Variants in GNAL observed in about 807,000 individuals in gnomAD.
The protein encoded by GNAL is G protein subunit alpha L, also known as guanine nucleotide-binding protein G(olf) subunit alpha.
A neutral mutation model predicts 55.1 loss-of-function variants in GNAL; 18 were observed. That is an observed-to-expected ratio of 0.33 (90% CI 0.23 to 0.48). GNAL has a LOEUF of 0.48. Ranked by LOEUF, GNAL falls within the 20% of genes least tolerant of loss-of-function variation. The pLI is 0.99. For missense variants in GNAL, 412 were observed against 614.1 expected, an observed-to-expected ratio of 0.67 and a Z score of 3.48; for synonymous variants, 253 against 237.0, an observed-to-expected ratio of 1.07 and a Z score of -0.62.
At chr18:11,732,486 T>A (rs1280923133) in intron 1 of GNAL, among the ~76,000 whole-genome samples, 2 of 152,240 alleles carry the variant, frequency 1.3e-5, no homozygotes, top group African/African-American at 4.8e-5. Context: ...AAATGTCTGT[T>A]CAAATCCTTT....
intron 11 of GNAL, among the ~76,000 whole-genome samples, chr18:11,878,185 T>C (rs934520374): frequency 6.6e-6 from 1 of 152,212 alleles, no homozygotes; most frequent in Non-Finnish European, 1.5e-5. Flanking sequence ...ATGCAGTTGC[T>C]CATGGATGTA....
chr18:11,871,466 G>T (rs2036397016), intron 9 of GNAL, among the ~76,000 whole-genome samples: 1 of 152,076 alleles, frequency 6.6e-6, no homozygotes. Context: ...GGTCAGGCTG[G>T]TCTCGAACTC....
chr18:11,875,209 C>G (rs1020405159), intron 10 of GNAL, among the ~76,000 whole-genome samples: 8 of 152,056 alleles, frequency 5.3e-5, no homozygotes, highest in African/African-American at 1.9e-4. Flanking sequence ...GCCAGTGCTG[C>G]CCCCAGGGAG....
At chr18:11,817,094 G>T (rs1376806612) in intron 4 of GNAL, among the ~76,000 whole-genome samples, 1 of 152,146 alleles carries the variant, frequency 6.6e-6, no homozygotes, top group East Asian at 1.9e-4. Flanking sequence ...ATAAATGGAT[G>T]AATTTATGGC....
At chr18:11,836,411 A>G (rs1303328171) in intron 5 of GNAL, among the ~76,000 whole-genome samples, 1 of 152,010 alleles carries the variant, frequency 6.6e-6, no homozygotes, top group South Asian at 2.1e-4. Flanking sequence ...ACACCATTGC[A>G]CTCCAGCCTG....
At chr18:11,738,664 G>T (rs1027501238) in intron 1 of GNAL, among the ~76,000 whole-genome samples, 1 of 152,088 alleles carries the variant, frequency 6.6e-6, no homozygotes, top group Non-Finnish European at 1.5e-5. Flanking sequence ...GGCCAGGCTG[G>T]TCTCGAACTC....
At chr18:11,794,042 A>G (rs1399872752) in intron 4 of GNAL, among the ~76,000 whole-genome samples, 2 of 152,310 alleles carry the variant, frequency 1.3e-5, no homozygotes, top group South Asian at 2.1e-4. Context: ...CAAAACCACA[A>G]TGGGGTGCCA....
chr18:11,861,334 A>G (rs1598435384), intron 5 of GNAL, among the ~76,000 whole-genome samples: 1 of 151,246 alleles, frequency 6.6e-6, no homozygotes, highest in East Asian at 2.0e-4. Flanking sequence ...CATTTAACCC[A>G]TTCCCAGTGC....
intron 1 of GNAL, among the ~76,000 whole-genome samples, chr18:11,733,780 A>T (rs2143451570): frequency 6.6e-6 from 1 of 151,698 alleles, no homozygotes; most frequent in East Asian, 1.9e-4. Context: ...ACGATTACTT[A>T]CTGGGTACAG....
intron 4 of GNAL, among the ~76,000 whole-genome samples, chr18:11,807,745 G>A (rs1424922684): frequency 6.6e-6 from 1 of 152,192 alleles, no homozygotes; most frequent in Non-Finnish European, 1.5e-5. Flanking sequence ...CGCCAAGGCA[G>A]TGAGCTTACA....
chr18:11,865,229 G>C (rs1019041892), intron 7 of GNAL, among the ~76,000 whole-genome samples: 4 of 79,682 alleles, frequency 5.0e-5, no homozygotes, highest in Non-Finnish European at 1.2e-4. Flanking sequence ...CTCTGCTGAA[G>C]AAGGTTCGGG....
At position 11,689,894 on chromosome 18, in the gene GNAL, G is replaced by T. The variant is rs747544979; in HGVS notation, c.331G>T (p.Asp111Tyr). 6.8e-7 allele frequency: 1 copy of T among 1,480,736 alleles called. No individual in the cohort carries two copies. Among genetic ancestry groups the T allele is most frequent in the South Asian group, 1.3e-5 (1 of 77,488 alleles). 91.7% of individuals were successfully genotyped at this position (1,480,736 alleles called of 1,614,324 possible). A position where few individuals can be genotyped will look rare whatever the true frequency, so the allele number is the denominator to read the frequency against. Residue 111 changes from aspartate to tyrosine, a missense_variant, in exon 1 of 12, where the codon GAC becomes TAC. Physicochemically the swap from Asp to Tyr is radical, Grantham distance 160. Transcript: ENST00000334049. ...VSRGIDRMLR[D>Y]QKRDLQQTHR... ...CCGGGGCATCGACCGCATGCTGCGCGACCAGAAGCGCGACCTGCAGCAGAC... is the reference window on the plus strand; with the variant it reads ...CCGGGGCATCGACCGCATGCTGCGCTACCAGAAGCGCGACCTGCAGCAGAC...
chr18:11,790,658 T>C (rs1416854384), intron 4 of GNAL, among the ~76,000 whole-genome samples: 12 of 59,632 alleles, frequency 2.0e-4, no homozygotes, highest in Non-Finnish European at 2.7e-4. Flanking sequence ...TTTCTTTTTT[T>C]TTCTTTTTTT....
In GNAL at chr18:11,774,717, C is replaced by G. The variant is rs372779288; in HGVS notation, c.624+20772C>G. ...GCAGCCTGACCCCAGAGCCTGTCCC[C>G]CTGTGTACTGTGAGGTGACCTTTCT... On this transcript the variant is annotated intron_variant, in intron 4 of 11. Coordinates refer to ENST00000334049, the MANE Select transcript of GNAL (RefSeq NM_182978.4). Among the ~76,000 whole-genome samples the G allele has an allele frequency of 5.9e-5, 9 of 152,290 alleles. No homozygotes were observed. The East Asian group carries it at 1.2e-3, about 20-fold the overall frequency.
chr18:11,867,340 T>C, intron 8 of GNAL, 114 bp downstream of exon 8: 1 of 724,102 alleles, frequency 1.4e-6, no homozygotes, highest in Non-Finnish European at 2.4e-6. Context: ...AGTATAGCAT[T>C]TATAGATTAT....
chr18:11,744,304 A>G (rs977314679), intron 1 of GNAL, among the ~76,000 whole-genome samples: 4 of 152,246 alleles, frequency 2.6e-5, no homozygotes, highest in African/African-American at 9.6e-5. Flanking sequence ...AAAATAGAAG[A>G]TAAATTATTT....
intron 1 of GNAL, among the ~76,000 whole-genome samples, chr18:11,723,029 A>G: frequency 6.7e-6 from 1 of 149,698 alleles, no homozygotes; most frequent in Non-Finnish European, 1.5e-5. Context: ...AAAAAAAAAA[A>G]AAAAATTAGC....
intron 1 of GNAL, among the ~76,000 whole-genome samples, chr18:11,699,240 A>G (rs1165973291): frequency 6.6e-6 from 1 of 152,064 alleles, no homozygotes; most frequent in Non-Finnish European, 1.5e-5. Flanking sequence ...TCTGTTGCCT[A>G]GGCTGGAGCA....
chr18:11,798,166 G>A (rs1007361025), intron 4 of GNAL, among the ~76,000 whole-genome samples: 2 of 152,152 alleles, frequency 1.3e-5, no homozygotes, highest in Non-Finnish European at 2.9e-5. Flanking sequence ...CCAGGAGTTT[G>A]AATCTAGACT....
Sources: allele counts gnomAD v4.1 joint callset (sites outside exome capture counted in the v4.1 genomes callset), GRCh38; gene constraint gnomAD v4.1.1; transcripts MANE v1.5; gene names NCBI Gene and HGNC (gene_info 2026-07-23, HGNC 2026-07-21).